Variants in BEND5 observed in about 807,000 individuals in gnomAD.
The protein encoded by BEND5 is BEN domain containing 5.
In BEND5, 22 loss-of-function variants were observed where a neutral mutation model predicts 43.9. That is an observed-to-expected ratio of 0.50 (90% CI 0.36 to 0.72). The LOEUF is 0.72. BEND5 is among the 30% of genes least tolerant of loss of function. The probability of loss-of-function intolerance (pLI) is 0.00; values close to 1 mark genes in which losing one functional copy is unlikely to be tolerated. For synonymous variants in BEND5, 228 were observed against 225.9 expected, an observed-to-expected ratio of 1.01 and a Z score of -0.08; for missense variants, 428 against 550.6, an observed-to-expected ratio of 0.78 and a Z score of 2.23.
chr1:48,772,388 A>G (rs1172682696), intron 1 of BEND5, among the ~76,000 whole-genome samples: 2 of 152,130 alleles, frequency 1.3e-5, no homozygotes, highest in Non-Finnish European at 2.9e-5. Flanking sequence ...CTTCTGTCAC[A>G]TGTCTACCTT....
rs543891790 is a variant in BEND5, at chr1:48,744,600, C to G, written c.746-1829G>C. On this transcript the variant is annotated intron_variant, in intron 3 of 5. Coordinates refer to ENST00000371833, the MANE Select transcript of BEND5 (RefSeq NM_024603.4). Reference sequence around the variant, plus strand: ...GTCTTTCCTCTAAAGCCTCCTTTTCCTTCCATGAGAGGCTGGACAACAGAA... The same window carrying G: ...GTCTTTCCTCTAAAGCCTCCTTTTCGTTCCATGAGAGGCTGGACAACAGAA... Among the ~76,000 whole-genome samples, 8 of 152,292 alleles carry G rather than the reference C, an allele frequency of 5.3e-5. No homozygotes were observed. In the South Asian group the frequency reaches 8.3e-4, roughly 16 times the overall value.
At chr1:48,753,177 G>C (rs1368475196) in intron 3 of BEND5, among the ~76,000 whole-genome samples, 1 of 152,214 alleles carries the variant, frequency 6.6e-6, no homozygotes, top group Non-Finnish European at 1.5e-5. Flanking sequence ...AAGAGCTGGG[G>C]TTGAAAACCT....
chr1:48,736,400 T>C lies in BEND5; in HGVS notation c.947A>G (p.Gln316Arg), dbSNP rs1412021872. 1 of 1,614,204 alleles carries C rather than the reference T, an allele frequency of 6.2e-7. No individual in the cohort carries two copies. The highest frequency in any genetic ancestry group is 1.1e-5 in the South Asian group (1 of 91,086). Residue 316 changes from glutamine (Q) to arginine (R), a missense_variant, in exon 5 of 6, where the codon CAA (glutamine) becomes CGA (arginine). Physicochemically the swap from Gln to Arg is conservative, Grantham distance 43. This residue lies in a region of BEND5 where 75 missense variants were observed against 148.5 expected (regional missense o/e 0.50). Transcript: ENST00000371833. The surrounding 1 kb of genome is among the most constrained non-coding windows in gnomAD (Gnocchi z 4.0). ...GTACTTGGAATCTCCTTGGGTTACT[T>C]GTAGCTGGTGCCATTTCTCCTCATC... ...WVDEEKWHQL[Q>R]VTQGDSKYTK...
At chr1:48,743,562 C>T (rs1331964350) in intron 3 of BEND5, among the ~76,000 whole-genome samples, 7 of 152,174 alleles carry the variant, frequency 4.6e-5, no homozygotes. Flanking sequence ...AGAACAACTT[C>T]AAAGGCCCAC....
At chr1:48,740,376 C>G (rs897023013) in intron 4 of BEND5, among the ~76,000 whole-genome samples, 1 of 152,070 alleles carries the variant, frequency 6.6e-6, no homozygotes, top group African/African-American at 2.4e-5. Context: ...ATAGAGGAGT[C>G]CCTTCTCTGG....
At chr1:48,749,430 C>T (rs552745737) in intron 3 of BEND5, among the ~76,000 whole-genome samples, 5 of 152,242 alleles carry the variant, frequency 3.3e-5, no homozygotes, top group East Asian at 1.9e-4. Flanking sequence ...CCTACAAAAT[C>T]GATCTTATTA....
At chr1:48,770,805 A>T (rs1457667265) in intron 1 of BEND5, among the ~76,000 whole-genome samples, 1 of 152,150 alleles carries the variant, frequency 6.6e-6, no homozygotes, top group Non-Finnish European at 1.5e-5. Flanking sequence ...TCAGTTACTA[A>T]GTCCCATGAA....
chr1:48,751,876 T>C (rs1192448110), intron 3 of BEND5, among the ~76,000 whole-genome samples: 2 of 152,180 alleles, frequency 1.3e-5, no homozygotes, highest in African/African-American at 4.8e-5. Context: ...GGTCCTGAAT[T>C]GTTCGGCCAC....
At chr1:48,763,622 C>T (rs1464343676) in intron 1 of BEND5, among the ~76,000 whole-genome samples, 1 of 152,132 alleles carries the variant, frequency 6.6e-6, no homozygotes, top group Non-Finnish European at 1.5e-5. Context: ...GTCTGACATG[C>T]AGAGCCACCA....
At chr1:48,751,424 T>C (rs1651712780) in intron 3 of BEND5, among the ~76,000 whole-genome samples, 1 of 152,174 alleles carries the variant, frequency 6.6e-6, no homozygotes, top group Non-Finnish European at 1.5e-5. Context: ...GCCTGACGCA[T>C]GGCAAAGCAA....
intron 1 of BEND5, among the ~76,000 whole-genome samples, chr1:48,767,962 C>T (rs1644612370): frequency 6.6e-6 from 1 of 152,174 alleles, no homozygotes; most frequent in Non-Finnish European, 1.5e-5. Flanking sequence ...TCCTTACAAA[C>T]TCACTATATT....
At chr1:48,752,005 C>T (rs1255255759) in intron 3 of BEND5, among the ~76,000 whole-genome samples, 1 of 152,176 alleles carries the variant, frequency 6.6e-6, no homozygotes, top group African/African-American at 2.4e-5. Context: ...TTCAGACAAA[C>T]TACTCCACTT....
At chr1:48,769,526 A>AACACACACACACACAC (rs558937968) in intron 1 of BEND5, among the ~76,000 whole-genome samples, 46 of 130,310 alleles carry the variant, frequency 3.5e-4, no homozygotes, top group South Asian at 1.7e-3. Context: ...GAGGATTTAA[A>AACACACACACACACAC]ACACACACAC....
intron 3 of BEND5, among the ~76,000 whole-genome samples, chr1:48,749,754 GTTC>G (rs1220945987): frequency 6.6e-6 from 1 of 152,196 alleles, no homozygotes; most frequent in African/African-American, 2.4e-5. Context: ...AACTGGACTG[GTTC>G]TTCATCTGTG....
rs1164489547 is a variant in BEND5 at position 48,761,355 on chromosome 1, T to C, written c.342A>G (p.Leu114=). ...GEVKDYGEED[L]QLRHIKRPEG... ...TTGTTACCTTGATGTGTCTAAGCTG[T>C]AAATCTTCTTCCCCATAATCTTTAA... The change falls in exon 2 of 6, where the codon TTA becomes TTG. Residue 114 remains leucine (L), a synonymous_variant. Coordinates refer to ENST00000371833, the MANE Select transcript of BEND5 (RefSeq NM_024603.4). 9 of 1,551,858 alleles carry C rather than the reference T, an allele frequency of 5.8e-6. No individual in the cohort carries two copies. The highest frequency in any genetic ancestry group is 7.0e-6 in the Non-Finnish European group (8 of 1,147,038).
chr1:48,751,788 G>T (rs1651779242), intron 3 of BEND5, among the ~76,000 whole-genome samples: 1 of 152,144 alleles, frequency 6.6e-6, no homozygotes, highest in Non-Finnish European at 1.5e-5. Context: ...TGTTAGAAAA[G>T]GGACAGCCTG....
intron 3 of BEND5, among the ~76,000 whole-genome samples, chr1:48,754,217 C>A (rs540610448): frequency 6.6e-6 from 1 of 152,266 alleles, no homozygotes; most frequent in South Asian, 2.1e-4. Flanking sequence ...AAGAGAGACC[C>A]TAGAATTTAC....
intron 1 of BEND5, among the ~76,000 whole-genome samples, chr1:48,771,537 C>T (rs781358328): frequency 1.8e-4 from 27 of 152,174 alleles, no homozygotes; most frequent in Admixed American, 1.2e-3. Flanking sequence ...GGTTAACATC[C>T]CAGTAGAATC....
intron 1 of BEND5, among the ~76,000 whole-genome samples, chr1:48,764,000 C>T (rs961042585): frequency 2.6e-5 from 4 of 152,092 alleles, no homozygotes; most frequent in African/African-American, 9.7e-5. Context: ...TTCTATGCCT[C>T]GACTTAACCT....
Sources: gnomAD v4.1 joint callset for allele counts (sites outside exome capture counted in the v4.1 genomes callset) on GRCh38, gnomAD v4.1.1 for gene constraint, gnomAD v4.1.1 regional missense constraint, Gnocchi (gnomAD v3.1) non-coding constraint, MANE v1.5 for transcripts, NCBI Gene and HGNC (gene_info 2026-07-23, HGNC 2026-07-21) for gene names.